The following TMEM178B variants were observed in gnomAD, a reference collection of about 807,000 sequenced individuals.
The protein encoded by TMEM178B is transmembrane protein 178B.
TMEM178B carries 5 observed loss-of-function variants against 31.0 expected under a neutral mutation model. The observed-to-expected ratio is 0.16, with a 90% CI of 0.08 to 0.34. The LOEUF (loss-of-function observed/expected upper bound fraction) is 0.34. Among genes scored for constraint, TMEM178B ranks in the 10% least tolerant of loss-of-function variants. TMEM178B has a pLI of 1.00. For missense variants in TMEM178B, 275 were observed against 400.3 expected, an observed-to-expected ratio of 0.69 and a Z score of 2.67; for synonymous variants, 164 against 164.0, an observed-to-expected ratio of 1.00 and a Z score of 0.00.
chr7:141,179,490 T>C (rs1796484290), intron 1 of TMEM178B, among the ~76,000 whole-genome samples: 2 of 152,372 alleles, frequency 1.3e-5, no homozygotes, highest in Non-Finnish European at 2.9e-5. Context: ...GCTACTGTAA[T>C]ATGCAGTGTC....
chr7:141,469,309 C>T (rs1195462920), intron 3 of TMEM178B, among the ~76,000 whole-genome samples: 1 of 152,208 alleles, frequency 6.6e-6, no homozygotes, highest in African/African-American at 2.4e-5. Flanking sequence ...TAGCACATAG[C>T]ACTTAATACT....
At chr7:141,384,113 T>C (rs1165317399) in intron 2 of TMEM178B, among the ~76,000 whole-genome samples, 6 of 152,216 alleles carry the variant, frequency 3.9e-5, no homozygotes, top group African/African-American at 9.6e-5. Flanking sequence ...AGATTCCGGA[T>C]ATTAGCCCTT....
chr7:141,360,735 A>G (rs1156636167), intron 2 of TMEM178B, among the ~76,000 whole-genome samples: 2 of 152,208 alleles, frequency 1.3e-5, no homozygotes, highest in African/African-American at 2.4e-5. Context: ...ACACATTCTT[A>G]ACTGATTTGG....
intron 1 of TMEM178B, among the ~76,000 whole-genome samples, chr7:141,206,970 A>G (rs1796977156): frequency 6.6e-6 from 1 of 152,116 alleles, no homozygotes; most frequent in Non-Finnish European, 1.5e-5. Context: ...GGCAACTACC[A>G]TTCTCCTCTC....
At chr7:141,327,412 C>T (rs1033020694) in intron 2 of TMEM178B, among the ~76,000 whole-genome samples, 1 of 152,146 alleles carries the variant, frequency 6.6e-6, no homozygotes, top group African/African-American at 2.4e-5. Context: ...TGCGCAACCT[C>T]CCCCACTATC....
At chr7:141,120,986 A>G (rs575627362) in intron 1 of TMEM178B, among the ~76,000 whole-genome samples, 32 of 151,404 alleles carry the variant, frequency 2.1e-4, no homozygotes, top group Non-Finnish European at 3.5e-4. Context: ...AATAATTATT[A>G]TTATAATTAT....
At chr7:141,379,613 G>A (rs1368849928) in intron 2 of TMEM178B, among the ~76,000 whole-genome samples, 4 of 152,144 alleles carry the variant, frequency 2.6e-5, no homozygotes, top group Non-Finnish European at 4.4e-5. Flanking sequence ...CTGGTTTCCC[G>A]CAACTTTGCC....
At position 141,414,145 on chromosome 7, in the gene TMEM178B, C is replaced by T. The variant is rs1485458827; in HGVS notation, c.497-23463C>T. Among the ~76,000 whole-genome samples the T allele has an allele frequency of 2.5e-4, 4 of 15,984 alleles. 2 individuals are homozygous for T. In the African/African-American group the frequency reaches 2.6e-3, roughly 11 times the overall value. The allele number at this position is 15,984 out of a possible 152,430, so 10.5% of individuals were successfully genotyped here. On this transcript the variant is annotated intron_variant, in intron 2 of 3. Transcript: ENST00000565468. ...TTTAGCCCAGGCCGGATTGCAGTGGCGCAATCTCGGCTCACTGCAAGCTCC... is the reference window on the plus strand; with the variant it reads ...TTTAGCCCAGGCCGGATTGCAGTGGTGCAATCTCGGCTCACTGCAAGCTCC...
chr7:141,444,036 T>A lies in TMEM178B; in HGVS notation c.634+6291T>A, dbSNP rs115712106. 3.6e-3 allele frequency among the ~76,000 whole-genome samples: 547 copies of A among 152,342 alleles called. 5 individuals carry two copies. The highest frequency in any genetic ancestry group is 0.013 in the African/African-American group (527 of 41,578). ...GACTACTTTTTTATTGTTTGCTTGTTGGAGCACTTAGTTTTTGGCAGGCTT... is the reference window on the plus strand; with the variant it reads ...GACTACTTTTTTATTGTTTGCTTGTAGGAGCACTTAGTTTTTGGCAGGCTT... On this transcript the variant is annotated intron_variant, in intron 3 of 3. Transcript: ENST00000565468.
chr7:141,483,982 C>T (rs968075914), downstream of TMEM178B, among the ~76,000 whole-genome samples: 3 of 152,098 alleles, frequency 2.0e-5, no homozygotes, highest in Non-Finnish European at 2.9e-5. Context: ...GTGATCCACA[C>T]GTCTCGGCCT....
At chr7:141,313,661 C>T (rs1175605545) in intron 2 of TMEM178B, among the ~76,000 whole-genome samples, 1 of 152,116 alleles carries the variant, frequency 6.6e-6, no homozygotes, top group East Asian at 1.9e-4. Context: ...GCTTCCTTCT[C>T]TGTGTTTTGG....
At chr7:141,210,352 T>A (rs965362541) in intron 1 of TMEM178B, among the ~76,000 whole-genome samples, 7 of 152,018 alleles carry the variant, frequency 4.6e-5, no homozygotes, top group Admixed American at 4.6e-4. Context: ...TAATCCCAGC[T>A]ACTTGGGGGC....
intron 2 of TMEM178B, chr7:141,415,374 A>T (rs929089109): frequency 1.2e-4 from 19 of 152,990 alleles, no homozygotes; most frequent in African/African-American, 4.1e-4. Context: ...TGAGGGCCAG[A>T]CAGCATTTCA....
At chr7:141,333,777 T>C (rs563513967) in intron 2 of TMEM178B, among the ~76,000 whole-genome samples, 1 of 152,292 alleles carries the variant, frequency 6.6e-6, no homozygotes, top group Admixed American at 6.5e-5. Context: ...GGAGAATGGT[T>C]TCAGGATGAA....
In TMEM178B at chr7:141,393,875, A is replaced by T. The variant is rs534744241; in HGVS notation, c.497-43733A>T. Among the ~76,000 whole-genome samples the T allele has an allele frequency of 1.4e-4, 21 of 152,304 alleles. No individual in the cohort carries two copies. In the South Asian group the frequency reaches 4.4e-3, roughly 32 times the overall value. ...GGAATTCATTCAAAGACATGCTTTT[A>T]ACTTTCATTTAGGAGGAATTTATTA... On this transcript the variant is annotated intron_variant, in intron 2 of 3. Transcript: ENST00000565468.
At chr7:141,467,642 C>T (rs972976336) in intron 3 of TMEM178B, among the ~76,000 whole-genome samples, 3 of 152,086 alleles carry the variant, frequency 2.0e-5, no homozygotes, top group Admixed American at 6.5e-5. Context: ...TTGAAGTCAC[C>T]GAAGTGCCTT....
At chr7:141,172,885 A>G (rs1796370680) in intron 1 of TMEM178B, among the ~76,000 whole-genome samples, 1 of 152,174 alleles carries the variant, frequency 6.6e-6, no homozygotes, top group African/African-American at 2.4e-5. Flanking sequence ...TACAGATGAG[A>G]TCTGCACAGA....
chr7:141,196,924 A>G (rs1239496867), intron 1 of TMEM178B, among the ~76,000 whole-genome samples: 1 of 152,004 alleles, frequency 6.6e-6, no homozygotes, highest in Non-Finnish European at 1.5e-5. Context: ...GTGAGTGGGG[A>G]TGGGGTGAGA....
intron 2 of TMEM178B, among the ~76,000 whole-genome samples, chr7:141,329,955 A>G (rs1021572417): frequency 6.6e-6 from 1 of 152,196 alleles, no homozygotes; most frequent in African/African-American, 2.4e-5. Context: ...AATCAATGGT[A>G]GCTGAATGTG....
Sources: allele counts gnomAD v4.1 joint callset (sites outside exome capture counted in the v4.1 genomes callset), GRCh38; gene constraint gnomAD v4.1.1; transcripts MANE v1.5; gene names NCBI Gene and HGNC (gene_info 2026-07-23, HGNC 2026-07-21).